ST6GAL1: variants seen among roughly 807,000 people sequenced by gnomAD.
ST6GAL1 encodes the protein ST6 beta-galactoside alpha-2,6-sialyltransferase 1.
ST6GAL1 carries 20 observed loss-of-function variants against 38.0 expected under a neutral mutation model. That is an observed-to-expected ratio of 0.53 (90% confidence interval 0.37 to 0.77). ST6GAL1 has a LOEUF of 0.77. Among genes scored for constraint, ST6GAL1 ranks in the 30% least tolerant of loss-of-function variants. The pLI, the probability that ST6GAL1 is intolerant of heterozygous loss-of-function variation, is 0.00. For synonymous variants in ST6GAL1, 196 were observed against 188.2 expected (o/e 1.04, Z -0.34); for missense variants, 432 against 496.4 (o/e 0.87, Z 1.23).
intron 2 of ST6GAL1, among the ~76,000 whole-genome samples, chr3:187,023,684 G>A (rs1007400716): frequency 2.6e-5 from 4 of 152,020 alleles, no homozygotes; most frequent in Non-Finnish European, 5.9e-5. Flanking sequence ...GAATTGAACA[G>A]TGAGAACACA....
intron 1 of ST6GAL1, among the ~76,000 whole-genome samples, chr3:186,936,541 T>C (rs564839489): frequency 6.6e-6 from 1 of 152,358 alleles, no homozygotes; most frequent in African/African-American, 2.4e-5. Context: ...AGTTTCACCA[T>C]ATTAAAATAC....
chr3:187,066,766 G>A (rs1238509778), intron 5 of ST6GAL1, among the ~76,000 whole-genome samples: 1 of 151,904 alleles, frequency 6.6e-6, no homozygotes, highest in Non-Finnish European at 1.5e-5. Context: ...TGTTCCCCAG[G>A]GCTCTGCTGC....
chr3:187,040,279 A>C (rs562555954), intron 3 of ST6GAL1, among the ~76,000 whole-genome samples: 1 of 152,352 alleles, frequency 6.6e-6, no homozygotes, highest in African/African-American at 2.4e-5. Context: ...CACTCAGTGC[A>C]CAGCAGGGAT....
chr3:187,028,929 A>G lies in ST6GAL1; in HGVS notation c.-182-9813A>G, dbSNP rs370323706. Among the ~76,000 whole-genome samples, 24 of 152,084 alleles carry G rather than the reference A, an allele frequency of 1.6e-4. No homozygotes were observed. The East Asian group carries it at 4.3e-3, about 27-fold the overall frequency. ...TAAACATTTTGGGCAAGAATTTTTC[A>G]TAGGTGGTTAGCAGGGCGTGGTGGT... On this transcript the variant is annotated intron_variant, in intron 2 of 7. Coordinates refer to ENST00000169298, the MANE Select transcript of ST6GAL1 (RefSeq NM_173216.2).
intron 2 of ST6GAL1, among the ~76,000 whole-genome samples, chr3:187,001,196 T>A (rs1411564430): frequency 6.6e-6 from 1 of 152,232 alleles, no homozygotes; most frequent in Non-Finnish European, 1.5e-5. Flanking sequence ...ACCCGAACCC[T>A]GGACATTCTG....
At chr3:186,932,150 G>A (rs200484422) in intron 1 of ST6GAL1, among the ~76,000 whole-genome samples, 10 of 150,504 alleles carry the variant, frequency 6.6e-5, no homozygotes, top group Non-Finnish European at 1.5e-4. Flanking sequence ...CCCGGGGGGG[G>A]AACTGGAGAG....
At chr3:186,949,411 C>A (rs1273002503) in intron 1 of ST6GAL1, among the ~76,000 whole-genome samples, 1 of 152,146 alleles carries the variant, frequency 6.6e-6, no homozygotes, top group African/African-American at 2.4e-5. Flanking sequence ...TGGTGGCTGA[C>A]AGTGTGAGGA....
At chr3:187,063,588 G>A (rs1170785714) in intron 5 of ST6GAL1, among the ~76,000 whole-genome samples, 2 of 152,194 alleles carry the variant, frequency 1.3e-5, no homozygotes, top group African/African-American at 2.4e-5. Flanking sequence ...CAGCAGCAAA[G>A]AGGAGAGGGG....
intron 2 of ST6GAL1, among the ~76,000 whole-genome samples, chr3:187,020,836 A>AG (rs1717270792): frequency 6.6e-6 from 1 of 152,158 alleles, no homozygotes; most frequent in South Asian, 2.1e-4. Flanking sequence ...CATTTTAGGG[A>AG]GACAGGCATT....
intron 2 of ST6GAL1, among the ~76,000 whole-genome samples, chr3:187,002,367 A>G (rs1716648696): frequency 6.6e-6 from 1 of 152,270 alleles, no homozygotes; most frequent in Non-Finnish European, 1.5e-5. Flanking sequence ...GATAAGGTAA[A>G]AAACATATTC....
intron 2 of ST6GAL1, among the ~76,000 whole-genome samples, chr3:187,032,738 A>T (rs958582062): frequency 6.6e-6 from 1 of 152,182 alleles, no homozygotes; most frequent in Non-Finnish European, 1.5e-5. Context: ...TCTTCCAAGG[A>T]TGCTGCCCAG....
rs763013682 is a variant in ST6GAL1, at chr3:187,067,081, C to CTTTTTTTTTTTTTT, written c.706-5755_706-5742dup. On this transcript the variant is annotated intron_variant, in intron 5 of 7. Coordinates refer to ENST00000169298, the MANE Select transcript of ST6GAL1 (RefSeq NM_173216.2). ...GCAATCTTCTTTTCTTTCTTTCTTT[C>CTTTTTTTTTTTTTT]TTTTTTTTTTTTTTTTTTTTTTTTT... Among the ~76,000 whole-genome samples, 16 of 93,060 alleles carry CTTTTTTTTTTTTTT rather than the reference C, an allele frequency of 1.7e-4. 1 individual carries two copies. Among genetic ancestry groups the CTTTTTTTTTTTTTT allele is most frequent in the South Asian group, 4.3e-4 (1 of 2,326 alleles). 61.1% of individuals were successfully genotyped at this position (93,060 alleles called of 152,430 possible). A position where few individuals can be genotyped will look rare whatever the true frequency, so the allele number is the denominator to read the frequency against.
At chr3:187,014,168 C>G (rs1717049084) in intron 2 of ST6GAL1, among the ~76,000 whole-genome samples, 1 of 152,212 alleles carries the variant, frequency 6.6e-6, no homozygotes, top group Non-Finnish European at 1.5e-5. Flanking sequence ...TGCTTTTGCA[C>G]ACATTTTACA....
At chr3:187,023,896 A>T (rs911242141) in intron 2 of ST6GAL1, among the ~76,000 whole-genome samples, 3 of 151,898 alleles carry the variant, frequency 2.0e-5, no homozygotes, top group Non-Finnish European at 2.9e-5. Context: ...ATAATTAAAA[A>T]AAAAAAAAAG....
At position 187,075,501 on chromosome 3, in the gene ST6GAL1, C is replaced by T; in HGVS notation, c.980-61C>T. 1 of 1,591,850 alleles carries T rather than the reference C, an allele frequency of 6.3e-7. No individual in the cohort carries two copies. The highest frequency in any genetic ancestry group is 1.7e-5 in the Admixed American group (1 of 59,302). ...GTCATGAGCTGCTGAACCCACTGGG[C>T]AGAGCTCTGGGGTGCTGGGGTGGGT... On this transcript the variant is annotated intron_variant, in intron 7 of 7. Transcript: ENST00000169298. This position sits in a 1 kb window ranked among gnomAD's most constrained non-coding sequence, Gnocchi z 4.1.
At position 186,996,937 on chromosome 3, in the gene ST6GAL1, C is replaced by T. The variant is rs149624138; in HGVS notation, c.-183+33011C>T. ...TGCCAGTTTGTTTCCAAGGCCATCT[C>T]CACTTTGAGCTTGTTCATGACCACC... On this transcript the variant is annotated intron_variant, in intron 2 of 7. Coordinates refer to ENST00000169298, the MANE Select transcript of ST6GAL1 (RefSeq NM_173216.2). Among the ~76,000 whole-genome samples the T allele has an allele frequency of 9.2e-4, 140 of 151,872 alleles. 1 individual carries two copies. The highest frequency in any genetic ancestry group is 1.8e-3 in the Non-Finnish European group (124 of 67,976).
At chr3:187,064,443 C>G (rs1486341529) in intron 5 of ST6GAL1, 1 of 447,608 alleles carries the variant, frequency 2.2e-6, no homozygotes, top group African/African-American at 2.0e-5. Context: ...GAATCAGAAT[C>G]TGACAGGGAG....
chr3:187,004,355 T>C (rs2108554618), intron 2 of ST6GAL1, among the ~76,000 whole-genome samples: 1 of 152,384 alleles, frequency 6.6e-6, no homozygotes, highest in East Asian at 1.9e-4. Context: ...GAAAGTCCTA[T>C]GACTAGCAAG....
At chr3:187,048,496 A>T (rs1228281650) in intron 4 of ST6GAL1, among the ~76,000 whole-genome samples, 1 of 151,704 alleles carries the variant, frequency 6.6e-6, no homozygotes, top group Admixed American at 6.6e-5. Flanking sequence ...CTGAATCATC[A>T]CTCTATGAAG....
Sources: allele counts gnomAD v4.1 joint callset (sites outside exome capture counted in the v4.1 genomes callset), GRCh38; gene constraint gnomAD v4.1.1; non-coding constraint Gnocchi (gnomAD v3.1); transcripts MANE v1.5; gene names NCBI Gene and HGNC (gene_info 2026-07-23, HGNC 2026-07-21).